KCNJ3: variants seen among roughly 807,000 people sequenced by gnomAD.
The protein encoded by KCNJ3 is potassium inwardly rectifying channel subfamily J member 3.
A neutral mutation model predicts 39.2 loss-of-function variants in KCNJ3; 4 were observed. That is an observed-to-expected ratio of 0.10 (90% CI 0.05 to 0.23). KCNJ3 has a LOEUF of 0.23. Ranked by LOEUF, KCNJ3 falls within the 10% of genes least tolerant of loss-of-function variation. The probability of loss-of-function intolerance (pLI) is 1.00; values close to 1 mark genes in which losing one functional copy is unlikely to be tolerated. For missense variants in KCNJ3, 276 were observed against 634.9 expected (o/e 0.43, Z 6.08); for synonymous variants, 230 against 237.4 (o/e 0.97, Z 0.29).
At chr2:154,850,485 C>G (rs923932069) in intron 2 of KCNJ3, among the ~76,000 whole-genome samples, 6 of 152,108 alleles carry the variant, frequency 3.9e-5, no homozygotes, top group African/African-American at 1.2e-4. Context: ...GAAGTACTCT[C>G]TCAATTATAT....
intron 2 of KCNJ3, among the ~76,000 whole-genome samples, chr2:154,750,221 A>G (rs530406295): frequency 2.0e-5 from 3 of 152,170 alleles, no homozygotes; most frequent in African/African-American, 7.2e-5. Context: ...TTTGTACACA[A>G]TTATATTATA....
chr2:154,763,648 G>T (rs1412215345), intron 2 of KCNJ3, among the ~76,000 whole-genome samples: 2 of 152,102 alleles, frequency 1.3e-5, no homozygotes, highest in African/African-American at 4.8e-5. Context: ...GGAAAGCTAG[G>T]TTTTCCCCTT....
chr2:154,758,049 TA>T (rs59829523), intron 2 of KCNJ3, among the ~76,000 whole-genome samples: 2 of 152,160 alleles, frequency 1.3e-5, no homozygotes, highest in Non-Finnish European at 2.9e-5. Flanking sequence ...ATTTCAAATT[TA>T]TTGGACATAA....
intron 1 of KCNJ3, among the ~76,000 whole-genome samples, chr2:154,707,097 A>G (rs949040259): frequency 3.3e-5 from 5 of 152,166 alleles, no homozygotes; most frequent in African/African-American, 1.2e-4. Flanking sequence ...GTTAAATTAT[A>G]TAGTATCCAC....
Position 154,857,683 on chromosome 2 carries a change from C to A in KCNJ3, c.*2370C>A, listed in dbSNP as rs1236640496. On this transcript the variant is annotated 3_prime_UTR_variant, in exon 3 of 3. Coordinates refer to ENST00000295101, the MANE Select transcript of KCNJ3 (RefSeq NM_002239.4). ...ATCACCTGAGGTCAGGAGATCGAGA[C>A]CAGCCTGGACAACATGGTGAAAACC... The A allele has an allele frequency of 6.6e-6, 1 of 151,754 alleles. No homozygotes were observed. Among genetic ancestry groups the A allele is most frequent in the Non-Finnish European group, 1.5e-5 (1 of 68,052 alleles). The allele number at this position is 151,754 out of a possible 1,614,324, so 9.4% of individuals were successfully genotyped here. A position where few individuals can be genotyped will look rare whatever the true frequency, so the allele number is the denominator to read the frequency against.
chr2:154,709,147 T>C (rs772598256), intron 1 of KCNJ3, among the ~76,000 whole-genome samples: 2 of 152,224 alleles, frequency 1.3e-5, no homozygotes, highest in African/African-American at 4.8e-5. Context: ...TTTTTAGTAA[T>C]CAGTAAATCT....
In KCNJ3 at chr2:154,742,014, A is replaced by G. The variant is rs188373323; in HGVS notation, c.919+32195A>G. On this transcript the variant is annotated intron_variant, in intron 2 of 2. Transcript: ENST00000295101. ...TTTCATCTTAAAACTGAAGCTCTGTACCTGTTAAACAATAACTCCTCATTC... is the reference window on the plus strand; with the variant it reads ...TTTCATCTTAAAACTGAAGCTCTGTGCCTGTTAAACAATAACTCCTCATTC... 2.4e-4 allele frequency among the ~76,000 whole-genome samples: 37 copies of G among 151,908 alleles called. No homozygotes were observed. In the East Asian group the frequency reaches 6.2e-3, roughly 25 times the overall value.
chr2:154,716,663 C>T (rs1004483609), intron 2 of KCNJ3, among the ~76,000 whole-genome samples: 8 of 152,090 alleles, frequency 5.3e-5, no homozygotes, highest in Admixed American at 4.6e-4. Context: ...ATATTTAACT[C>T]AAGTGTTTTA....
At chr2:154,831,953 C>A (rs948225269) in intron 2 of KCNJ3, among the ~76,000 whole-genome samples, 1 of 152,014 alleles carries the variant, frequency 6.6e-6, no homozygotes, top group East Asian at 1.9e-4. Flanking sequence ...CCAGTCATGG[C>A]GGAAGGTGAA....
At chr2:154,779,602 G>A (rs1686400557) in intron 2 of KCNJ3, among the ~76,000 whole-genome samples, 1 of 149,930 alleles carries the variant, frequency 6.7e-6, no homozygotes, top group South Asian at 2.1e-4. Context: ...GGAGTGCAGT[G>A]GCATGATCTC....
chr2:154,728,015 C>T (rs1417531179), intron 2 of KCNJ3, among the ~76,000 whole-genome samples: 2 of 151,250 alleles, frequency 1.3e-5, no homozygotes, highest in South Asian at 2.1e-4. Flanking sequence ...TTATGAAGTT[C>T]CATAATGTGA....
chr2:154,739,699 A>G (rs1685615283), intron 2 of KCNJ3, among the ~76,000 whole-genome samples: 4 of 152,026 alleles, frequency 2.6e-5, no homozygotes, highest in South Asian at 2.1e-4. Flanking sequence ...TTGTTTTAAT[A>G]TGGGCAGGGG....
chr2:154,826,174 TC>T (rs1160019716), intron 2 of KCNJ3, among the ~76,000 whole-genome samples: 1 of 152,166 alleles, frequency 6.6e-6, no homozygotes, highest in East Asian at 1.9e-4. Context: ...TCGTTTGGTT[TC>T]AAGATTCATG....
chr2:154,805,423 T>A (rs1686893849), intron 2 of KCNJ3, among the ~76,000 whole-genome samples: 1 of 152,152 alleles, frequency 6.6e-6, no homozygotes, highest in South Asian at 2.1e-4. Context: ...AACATTTCAA[T>A]AACATTTTGA....
At chr2:154,785,552 C>G (rs914533389) in intron 2 of KCNJ3, among the ~76,000 whole-genome samples, 1 of 152,138 alleles carries the variant, frequency 6.6e-6, no homozygotes, top group African/African-American at 2.4e-5. Flanking sequence ...GTGTTAGTTA[C>G]TAGGGGAGTG....
chr2:154,805,049 T>C (rs1183415211), intron 2 of KCNJ3, among the ~76,000 whole-genome samples: 29 of 151,982 alleles, frequency 1.9e-4, no homozygotes, highest in Non-Finnish European at 3.8e-4. Context: ...ACAAATGAAA[T>C]CCTGAGAAGA....
At chr2:154,728,557 A>G (rs1685398497) in intron 2 of KCNJ3, among the ~76,000 whole-genome samples, 1 of 152,230 alleles carries the variant, frequency 6.6e-6, no homozygotes, top group Non-Finnish European at 1.5e-5. Flanking sequence ...ACTGGAACAA[A>G]TCTGCCACCT....
intron 2 of KCNJ3, among the ~76,000 whole-genome samples, chr2:154,813,821 C>T (rs1438253187): frequency 1.3e-5 from 2 of 152,110 alleles, no homozygotes; most frequent in East Asian, 1.9e-4. Context: ...AGTTATAGGC[C>T]GTGATGATGT....
intron 2 of KCNJ3, among the ~76,000 whole-genome samples, chr2:154,767,211 G>T (rs1686150156): frequency 6.6e-6 from 1 of 151,756 alleles, no homozygotes; most frequent in South Asian, 2.1e-4. Flanking sequence ...TATACTTTAA[G>T]TTCTAGGGTA....
Sources: gnomAD v4.1 joint callset for allele counts (sites outside exome capture counted in the v4.1 genomes callset) on GRCh38, gnomAD v4.1.1 for gene constraint, MANE v1.5 for transcripts, NCBI Gene and HGNC (gene_info 2026-07-23, HGNC 2026-07-21) for gene names.